Variants in FSTL5 observed in about 807,000 individuals in gnomAD.
FSTL5 encodes the protein follistatin-related protein 5.
A neutral mutation model predicts 89.1 loss-of-function variants in FSTL5; 62 were observed. The ratio of observed to expected loss-of-function variants is 0.70; its 90% CI spans 0.57 to 0.86. The LOEUF is 0.86. FSTL5 is among the 40% of genes least tolerant of loss of function. The pLI, the probability that FSTL5 is intolerant of heterozygous loss-of-function variation, is 0.00. For missense variants in FSTL5, 1,057 were observed against 1,001.6 expected (o/e 1.06, Z -0.75); for synonymous variants, 383 against 346.2 (o/e 1.11, Z -1.18).
At chr4:161,464,261 C>T (rs1225131285) in intron 13 of FSTL5, among the ~76,000 whole-genome samples, 1 of 152,196 alleles carries the variant, frequency 6.6e-6, no homozygotes, top group African/African-American at 2.4e-5. Flanking sequence ...TACAGAATCT[C>T]CTGGCCTCCT....
chr4:162,068,108 T>C (rs973423207), intron 2 of FSTL5, among the ~76,000 whole-genome samples: 1 of 152,050 alleles, frequency 6.6e-6, no homozygotes, highest in African/African-American at 2.4e-5. Flanking sequence ...ATCAATATCA[T>C]GAAAATGACC....
At chr4:162,121,964 G>A (rs1731880325) in intron 1 of FSTL5, among the ~76,000 whole-genome samples, 2 of 151,864 alleles carry the variant, frequency 1.3e-5, no homozygotes, top group African/African-American at 2.4e-5. Flanking sequence ...CTTTTCTCCA[G>A]TTTACTTTAT....
At chr4:161,875,403 C>T (rs936107517) in intron 4 of FSTL5, among the ~76,000 whole-genome samples, 7 of 152,234 alleles carry the variant, frequency 4.6e-5, no homozygotes, top group African/African-American at 9.6e-5. Context: ...CAATCAGATG[C>T]TTGCACAGGA....
intron 3 of FSTL5, among the ~76,000 whole-genome samples, chr4:161,950,367 G>T (rs1295658186): frequency 6.6e-6 from 1 of 152,006 alleles, no homozygotes; most frequent in Non-Finnish European, 1.5e-5. Flanking sequence ...TTCTTTTTCT[G>T]TTCTGCTGTC....
chr4:161,926,840 T>C (rs889776438), intron 3 of FSTL5, among the ~76,000 whole-genome samples: 1 of 151,894 alleles, frequency 6.6e-6, no homozygotes, highest in African/African-American at 2.4e-5. Context: ...TTATACACTT[T>C]GGCTAAAAGT....
chr4:161,850,260 T>C (rs962778431), intron 4 of FSTL5, among the ~76,000 whole-genome samples: 1 of 152,200 alleles, frequency 6.6e-6, no homozygotes, highest in African/African-American at 2.4e-5. Flanking sequence ...TACGGAATAA[T>C]AACCGTGGGT....
At position 161,499,995 on chromosome 4, in the gene FSTL5, A is replaced by G. The variant is rs768473163; in HGVS notation, c.1458+21T>C. 4 of 1,427,348 alleles carry G rather than the reference A, an allele frequency of 2.8e-6. No homozygotes were observed. The Admixed American group carries it at 5.2e-5, about 19-fold the overall frequency. 88.4% of individuals were successfully genotyped at this position (1,427,348 alleles called of 1,614,324 possible). ...ACAAAATTTCTGCATAAAACGTCAA[A>G]GGAACTTTTTAGATACTTGCCTGAA... On this transcript the variant is annotated intron_variant, in intron 12 of 15. Coordinates refer to ENST00000306100, the MANE Select transcript of FSTL5 (RefSeq NM_020116.5).
chr4:161,998,823 T>C (rs1318504964), intron 3 of FSTL5, among the ~76,000 whole-genome samples: 1 of 151,104 alleles, frequency 6.6e-6, no homozygotes, highest in Non-Finnish European at 1.5e-5. Flanking sequence ...TATTTGCCTT[T>C]GTTTTGCATG....
intron 7 of FSTL5, among the ~76,000 whole-genome samples, chr4:161,652,317 C>G (rs1736370047): frequency 6.6e-6 from 1 of 152,056 alleles, no homozygotes; most frequent in Non-Finnish European, 1.5e-5. Flanking sequence ...CATCTGTAGT[C>G]CTAGCTACTT....
intron 2 of FSTL5, among the ~76,000 whole-genome samples, chr4:162,062,862 C>T (rs538698185): frequency 7.1e-4 from 108 of 151,214 alleles, no homozygotes; most frequent in African/African-American, 2.3e-3. Flanking sequence ...TTGCAAAGGG[C>T]CTTGTAATCA....
intron 7 of FSTL5, among the ~76,000 whole-genome samples, chr4:161,648,653 C>CA (rs1736233329): frequency 7.5e-6 from 1 of 132,580 alleles, no homozygotes; most frequent in South Asian, 2.8e-4. Flanking sequence ...CTACTGTTTA[C>CA]ACAATTTGGG....
intron 3 of FSTL5, among the ~76,000 whole-genome samples, chr4:161,938,184 T>C (rs971636992): frequency 2.6e-5 from 4 of 152,084 alleles, no homozygotes; most frequent in African/African-American, 7.2e-5. Context: ...AGCTACTAGT[T>C]TAAATATTTG....
intron 4 of FSTL5, among the ~76,000 whole-genome samples, chr4:161,888,754 A>G (rs1269485352): frequency 6.6e-6 from 1 of 152,026 alleles, no homozygotes; most frequent in Admixed American, 6.6e-5. Context: ...TTCCTCATTT[A>G]ATTACTTTAA....
intron 2 of FSTL5, among the ~76,000 whole-genome samples, chr4:162,053,402 C>T (rs1377373118): frequency 6.6e-6 from 1 of 151,694 alleles, no homozygotes; most frequent in South Asian, 2.1e-4. Flanking sequence ...AGCAGAGAAG[C>T]GCTTCATCTT....
intron 4 of FSTL5, among the ~76,000 whole-genome samples, chr4:161,798,704 C>T (rs916482952): frequency 6.6e-6 from 1 of 150,988 alleles, no homozygotes; most frequent in African/African-American, 2.4e-5. Context: ...TTTTTACTTC[C>T]AACAATATAA....
chr4:161,554,128 A>G (rs1222304886), intron 8 of FSTL5, among the ~76,000 whole-genome samples: 1 of 151,536 alleles, frequency 6.6e-6, no homozygotes, highest in Non-Finnish European at 1.5e-5. Flanking sequence ...AAAATAAAGT[A>G]TATTTACATT....
intron 1 of FSTL5, among the ~76,000 whole-genome samples, chr4:162,117,605 G>C (rs1323034461): frequency 1.3e-5 from 2 of 152,070 alleles, no homozygotes; most frequent in Non-Finnish European, 2.9e-5. Context: ...TATATTTCTA[G>C]AAAATAAGAA....
At chr4:161,722,018 A>T (rs1739236570) in intron 6 of FSTL5, among the ~76,000 whole-genome samples, 1 of 152,206 alleles carries the variant, frequency 6.6e-6, no homozygotes, top group African/African-American at 2.4e-5. Flanking sequence ...ATCTTCTTAT[A>T]CATAATATGA....
intron 4 of FSTL5, among the ~76,000 whole-genome samples, chr4:161,868,730 TCA>T (rs1340163569): frequency 6.6e-6 from 1 of 152,220 alleles, no homozygotes; most frequent in African/African-American, 2.4e-5. Flanking sequence ...CTACATTATC[TCA>T]CAGTTTTGTT....
Sources: allele counts gnomAD v4.1 joint callset (sites outside exome capture counted in the v4.1 genomes callset), GRCh38; gene constraint gnomAD v4.1.1; transcripts MANE v1.5; gene names NCBI Gene and HGNC (gene_info 2026-07-23, HGNC 2026-07-21).